The following RBFOX2 variants were observed in gnomAD, a reference collection of about 807,000 sequenced individuals.
RBFOX2 encodes the protein RNA binding fox-1 homolog 2, also known as RNA binding protein fox-1 homolog 2.
RBFOX2 carries 10 observed loss-of-function variants against 49.1 expected under a neutral mutation model. The ratio of observed to expected loss-of-function variants is 0.20; its 90% CI spans 0.13 to 0.35. The LOEUF is 0.35. RBFOX2 is among the 10% of genes least tolerant of loss of function. The pLI, the probability that RBFOX2 is intolerant of heterozygous loss-of-function variation, is 1.00. For missense variants in RBFOX2, 323 were observed against 486.9 expected (o/e 0.66, Z 3.17); for synonymous variants, 183 against 187.4 (o/e 0.98, Z 0.19).
chr22:35,955,295 T>G (rs73415725), intron 1 of RBFOX2, among the ~76,000 whole-genome samples: 11,942 of 152,234 alleles, frequency 0.078, 482 homozygotes, highest in African/African-American at 0.087. Context: ...ACTGCGATTT[T>G]CCTATGAGAA....
At chr22:35,795,974 AATCTTGTC>A (rs1948717873) in intron 2 of RBFOX2, among the ~76,000 whole-genome samples, 1 of 152,170 alleles carries the variant, frequency 6.6e-6, no homozygotes, top group East Asian at 1.9e-4. Flanking sequence ...AAATACATAC[AATCTTGTC>A]AACTTAAAAA....
chr22:35,766,700 A>G (rs938895986), intron 5 of RBFOX2, among the ~76,000 whole-genome samples: 1 of 152,208 alleles, frequency 6.6e-6, no homozygotes, highest in Non-Finnish European at 1.5e-5. Context: ...AAAACAATCA[A>G]TTTTGGAAAG....
At chr22:35,786,131 TCA>T (rs761198148) in intron 2 of RBFOX2, among the ~76,000 whole-genome samples, 15 of 152,226 alleles carry the variant, frequency 9.9e-5, no homozygotes, top group Non-Finnish European at 1.9e-4. Context: ...ATGTAATCTG[TCA>T]CAGTGTATGT....
At chr22:35,832,329 C>G (rs1028057875) in intron 1 of RBFOX2, among the ~76,000 whole-genome samples, 1 of 151,476 alleles carries the variant, frequency 6.6e-6, no homozygotes, top group East Asian at 2.0e-4. Flanking sequence ...GCCGAGATCA[C>G]ACCACTACAT....
intron 5 of RBFOX2, among the ~76,000 whole-genome samples, chr22:35,766,857 C>A (rs1311745242): frequency 6.6e-6 from 1 of 151,846 alleles, no homozygotes; most frequent in Admixed American, 6.6e-5. Flanking sequence ...GCAAAAGAGA[C>A]CAACAGCTGC....
intron 1 of RBFOX2, among the ~76,000 whole-genome samples, chr22:35,951,241 CTTTTTTTT>C (rs1208551684): frequency 1.3e-5 from 1 of 78,332 alleles, no homozygotes; most frequent in Non-Finnish European, 2.3e-5. Context: ...GCACCCGGCC[CTTTTTTTT>C]TTTTTTTTTT....
At chr22:35,918,648 T>A (rs939981275) in intron 1 of RBFOX2, among the ~76,000 whole-genome samples, 2 of 152,120 alleles carry the variant, frequency 1.3e-5, no homozygotes, top group Admixed American at 6.5e-5. Flanking sequence ...GGGAAATGTA[T>A]CCAGATTAGA....
intron 1 of RBFOX2, among the ~76,000 whole-genome samples, chr22:35,982,509 T>A (rs2057508508): frequency 6.6e-6 from 1 of 151,966 alleles, no homozygotes; most frequent in Non-Finnish European, 1.5e-5. Flanking sequence ...CTCCACATCC[T>A]CAACAGCCAG....
At chr22:35,858,908 C>A (rs1161956897) in intron 1 of RBFOX2, among the ~76,000 whole-genome samples, 1 of 151,470 alleles carries the variant, frequency 6.6e-6, no homozygotes, top group East Asian at 1.9e-4. Flanking sequence ...AGAAGGTCTG[C>A]AATAAATTCA....
chr22:35,844,617 C>T (rs1431087596), upstream of RBFOX2, among the ~76,000 whole-genome samples: 2 of 151,828 alleles, frequency 1.3e-5, no homozygotes, highest in African/African-American at 4.8e-5. Context: ...GTCTCAGCCT[C>T]CCAAGTAGCT....
exon 12 of RBFOX2, chr22:35,743,931 T>A (rs1601972801): frequency 9.9e-6 from 1 of 100,634 alleles, no homozygotes; most frequent in Non-Finnish European, 2.0e-5. Context: ...AAATGCATTA[T>A]TTTTTTTTTT....
At chr22:35,826,286 G>A (rs1385456265) in intron 1 of RBFOX2, among the ~76,000 whole-genome samples, 1 of 145,250 alleles carries the variant, frequency 6.9e-6, no homozygotes, top group Admixed American at 7.1e-5. Context: ...AGGTTGCAGT[G>A]AGCCGAGATC....
At chr22:35,848,693 ATAAT>A (rs1362010687) in intron 1 of RBFOX2, among the ~76,000 whole-genome samples, 1 of 152,250 alleles carries the variant, frequency 6.6e-6, no homozygotes, top group Non-Finnish European at 1.5e-5. Flanking sequence ...AAAGAAAAAA[ATAAT>A]TAAAGGAACA....
intron 5 of RBFOX2, among the ~76,000 whole-genome samples, chr22:35,766,392 C>A (rs947338787): frequency 1.3e-5 from 2 of 152,026 alleles, no homozygotes; most frequent in African/African-American, 4.8e-5. Context: ...ATATAAATGT[C>A]TTATTTTTGC....
At chr22:35,763,805 CTG>C (rs1939832947) in intron 6 of RBFOX2, among the ~76,000 whole-genome samples, 1 of 151,998 alleles carries the variant, frequency 6.6e-6, no homozygotes, top group African/African-American at 2.4e-5. Flanking sequence ...TTAAAAAATC[CTG>C]GTGCCAAAAA....
At chr22:35,780,379 A>C (rs1157922353) in intron 3 of RBFOX2, among the ~76,000 whole-genome samples, 1 of 152,118 alleles carries the variant, frequency 6.6e-6, no homozygotes, top group East Asian at 1.9e-4. Context: ...AAAAAAAAAA[A>C]ACAAAAAAAC....
chr22:35,875,820 T>C (rs1174606188), intron 1 of RBFOX2, among the ~76,000 whole-genome samples: 2 of 152,102 alleles, frequency 1.3e-5, no homozygotes, highest in Non-Finnish European at 1.5e-5. Flanking sequence ...TTACATTTTA[T>C]TGGGAAAACA....
intron 1 of RBFOX2, among the ~76,000 whole-genome samples, chr22:35,926,632 G>T (rs572392198): frequency 6.6e-6 from 1 of 152,124 alleles, no homozygotes; most frequent in Non-Finnish European, 1.5e-5. Flanking sequence ...GTCAAACTGC[G>T]GCATAAAAGG....
intron 1 of RBFOX2, among the ~76,000 whole-genome samples, chr22:35,869,310 G>A (rs1400068092): frequency 2.0e-5 from 3 of 151,314 alleles, no homozygotes; most frequent in African/African-American, 2.4e-5. Flanking sequence ...GGCACCCACC[G>A]CCACGCCTGG....
Sources: allele counts gnomAD v4.1 joint callset (sites outside exome capture counted in the v4.1 genomes callset), GRCh38; gene constraint gnomAD v4.1.1; transcripts MANE v1.5; gene names NCBI Gene and HGNC (gene_info 2026-07-23, HGNC 2026-07-21).